The following CACNG2 variants were observed in gnomAD, a reference collection of about 807,000 sequenced individuals.
The protein encoded by CACNG2 is calcium voltage-gated channel auxiliary subunit gamma 2.
CACNG2 carries 3 observed loss-of-function variants against 25.9 expected under a neutral mutation model. The observed-to-expected ratio is 0.12, with a 90% CI of 0.05 to 0.30. The LOEUF is 0.30. Among genes scored for constraint, CACNG2 ranks in the 10% least tolerant of loss-of-function variants. The pLI is 1.00. For synonymous variants in CACNG2, 167 were observed against 173.3 expected, an observed-to-expected ratio of 0.96 and a Z score of 0.29; for missense variants, 341 against 432.5, an observed-to-expected ratio of 0.79 and a Z score of 1.88.
At chr22:36,605,470 C>T (rs770863363) in intron 1 of CACNG2, among the ~76,000 whole-genome samples, 1 of 152,166 alleles carries the variant, frequency 6.6e-6, no homozygotes, top group Non-Finnish European at 1.5e-5. Flanking sequence ...GAACCGAATC[C>T]TCAGTATCTC....
intron 1 of CACNG2, among the ~76,000 whole-genome samples, chr22:36,678,099 T>C (rs1331497177): frequency 1.3e-5 from 2 of 152,294 alleles, no homozygotes; most frequent in African/African-American, 2.4e-5. Context: ...TCTGGTGGTA[T>C]GCTGAAACCC....
intron 1 of CACNG2, among the ~76,000 whole-genome samples, chr22:36,646,803 C>A (rs1936531563): frequency 6.6e-6 from 1 of 151,514 alleles, no homozygotes; most frequent in African/African-American, 2.4e-5. Flanking sequence ...CTCCTCTGGG[C>A]TCCCATAGTA....
intron 1 of CACNG2, among the ~76,000 whole-genome samples, chr22:36,596,430 T>C (rs1319742460): frequency 3.3e-5 from 5 of 152,148 alleles, no homozygotes; most frequent in African/African-American, 1.2e-4. Flanking sequence ...GTTTGATCGT[T>C]CTCTCGTTCG....
intron 2 of CACNG2, among the ~76,000 whole-genome samples, chr22:36,575,910 A>C (rs2050140): frequency 0.57 from 87,288 of 152,096 alleles, 25,257 homozygotes; most frequent in Admixed American, 0.64. Flanking sequence ...CATTAGGATC[A>C]ATCCGCATTA....
chr22:36,570,519 G>T (rs1407837681), intron 2 of CACNG2, among the ~76,000 whole-genome samples: 1 of 152,128 alleles, frequency 6.6e-6, no homozygotes, highest in Non-Finnish European at 1.5e-5. Flanking sequence ...CAGCACTTTG[G>T]GAGGCAGAGG....
At chr22:36,610,084 A>C (rs2267342) in intron 1 of CACNG2, among the ~76,000 whole-genome samples, 99,905 of 150,942 alleles carry the variant, frequency 0.66, 33,164 homozygotes, top group East Asian at 0.73. Context: ...GGGAGGAATA[A>C]GTCCCCCAGT....
At chr22:36,592,628 C>T (rs1935614249) in intron 1 of CACNG2, among the ~76,000 whole-genome samples, 1 of 152,198 alleles carries the variant, frequency 6.6e-6, no homozygotes, top group Middle Eastern at 3.4e-3. Context: ...CTAATAAGCC[C>T]CAAATCACCG....
At chr22:36,592,921 C>T (rs1476652516) in intron 1 of CACNG2, among the ~76,000 whole-genome samples, 1 of 152,190 alleles carries the variant, frequency 6.6e-6, no homozygotes, top group Admixed American at 6.5e-5. Context: ...AGGCTCTCAT[C>T]GGCAGGGCAG....
At chr22:36,657,579 T>C (rs1262115079) in intron 1 of CACNG2, among the ~76,000 whole-genome samples, 1 of 152,050 alleles carries the variant, frequency 6.6e-6, no homozygotes, top group African/African-American at 2.4e-5. Context: ...GAGTTCATCT[T>C]AAGAAATTTT....
intron 2 of CACNG2, among the ~76,000 whole-genome samples, chr22:36,584,173 C>G (rs549386198): frequency 6.6e-6 from 1 of 152,148 alleles, no homozygotes. Context: ...CAGCTGGGGC[C>G]GGGCGTGGTG....
At chr22:36,612,740 T>C (rs1339983157) in intron 1 of CACNG2, among the ~76,000 whole-genome samples, 1 of 152,140 alleles carries the variant, frequency 6.6e-6, no homozygotes, top group Non-Finnish European at 1.5e-5. Context: ...ACATACCCCC[T>C]CCACCACCTT....
At chr22:36,655,719 C>CT (rs1229695976) in intron 1 of CACNG2, among the ~76,000 whole-genome samples, 3,272 of 148,164 alleles carry the variant, frequency 0.022, 127 homozygotes, top group African/African-American at 0.078. Context: ...CTTTCTCTTT[C>CT]TTTCTTTTCT....
At chr22:36,646,685 G>A (rs1936528690) in intron 1 of CACNG2, among the ~76,000 whole-genome samples, 1 of 151,594 alleles carries the variant, frequency 6.6e-6, no homozygotes. Flanking sequence ...TTTTCTAGTT[G>A]TATGCTCTTT....
intron 1 of CACNG2, among the ~76,000 whole-genome samples, chr22:36,602,533 C>T (rs1010415936): frequency 6.6e-6 from 1 of 152,010 alleles, no homozygotes; most frequent in Non-Finnish European, 1.5e-5. Context: ...TTACAGGCAC[C>T]CGCCACCACG....
intron 1 of CACNG2, among the ~76,000 whole-genome samples, chr22:36,688,579 A>G (rs913840297): frequency 4.0e-5 from 6 of 149,854 alleles, no homozygotes; most frequent in Non-Finnish European, 8.9e-5. Context: ...AATGAAATGG[A>G]CTGATAGAGG....
chr22:36,590,608 C>T (rs921595486), intron 1 of CACNG2, among the ~76,000 whole-genome samples: 1 of 152,180 alleles, frequency 6.6e-6, no homozygotes, highest in Non-Finnish European at 1.5e-5. Context: ...GCCACCATCC[C>T]TGCTCCCTGG....
chr22:36,607,409 T>C (rs4821510), intron 1 of CACNG2, among the ~76,000 whole-genome samples: 130,838 of 152,064 alleles, frequency 0.86, 56,589 homozygotes, highest in East Asian at 0.98. Context: ...ACACGCGCAA[T>C]CATGCTCAGC....
chr22:36,602,510 C>T (rs1056885392), intron 1 of CACNG2, among the ~76,000 whole-genome samples: 13 of 152,154 alleles, frequency 8.5e-5, no homozygotes, highest in Non-Finnish European at 1.3e-4. Context: ...CTCAGCTAGC[C>T]GAGTAGCTGG....
intron 1 of CACNG2, among the ~76,000 whole-genome samples, chr22:36,589,925 C>T (rs752611678): frequency 2.6e-5 from 4 of 152,222 alleles, no homozygotes; most frequent in East Asian, 3.8e-4. Context: ...AAAAGCACTT[C>T]GCAAAGCACT....
Sources: allele counts gnomAD v4.1 joint callset (sites outside exome capture counted in the v4.1 genomes callset), GRCh38; gene constraint gnomAD v4.1.1; transcripts MANE v1.5; gene names NCBI Gene and HGNC (gene_info 2026-07-23, HGNC 2026-07-21).